Variants in SLC22A23 observed in about 807,000 individuals in gnomAD.
SLC22A23 encodes solute carrier family 22 member 23.
In SLC22A23, 26 loss-of-function variants were observed where a neutral mutation model predicts 61.0. The observed-to-expected ratio is 0.43, with a 90% CI of 0.31 to 0.59. SLC22A23 has a LOEUF of 0.59. Ranked by LOEUF, SLC22A23 falls within the 20% of genes least tolerant of loss-of-function variation. The probability of loss-of-function intolerance (pLI) is 0.11; values close to 1 mark genes in which losing one functional copy is unlikely to be tolerated. For synonymous variants in SLC22A23, 430 were observed against 413.9 expected (o/e 1.04, Z -0.47); for missense variants, 796 against 934.7 (o/e 0.85, Z 1.94).
chr6:3,299,230 C>G (rs1164860284), intron 4 of SLC22A23, among the ~76,000 whole-genome samples: 1 of 152,156 alleles, frequency 6.6e-6, no homozygotes, highest in Non-Finnish European at 1.5e-5. Flanking sequence ...TTCAAAGTAA[C>G]CATAGATTTC....
intron 9 of SLC22A23, among the ~76,000 whole-genome samples, chr6:3,281,309 C>CGG (rs928278543): frequency 7.9e-5 from 12 of 152,234 alleles, no homozygotes; most frequent in African/African-American, 2.9e-4. Flanking sequence ...TGGGCCTGAG[C>CGG]GGGTAGCTGG....
chr6:3,368,440 G>A (rs1454246045), intron 3 of SLC22A23, among the ~76,000 whole-genome samples: 1 of 152,140 alleles, frequency 6.6e-6, no homozygotes, highest in African/African-American at 2.4e-5. Flanking sequence ...GCTTTTCCAG[G>A]GGAAGGACCC....
intron 9 of SLC22A23, among the ~76,000 whole-genome samples, chr6:3,275,536 G>C (rs751755421): frequency 6.6e-6 from 1 of 152,158 alleles, no homozygotes; most frequent in Admixed American, 6.5e-5. Flanking sequence ...ACCATAGACT[G>C]GGAGAAAATA....
At chr6:3,283,117 A>G (rs1417678714) in intron 9 of SLC22A23, among the ~76,000 whole-genome samples, 1 of 152,184 alleles carries the variant, frequency 6.6e-6, no homozygotes, top group African/African-American at 2.4e-5. Flanking sequence ...CATGACATCA[A>G]CTTCTCAGGT....
chr6:3,355,782 C>G (rs1765032559), intron 3 of SLC22A23, among the ~76,000 whole-genome samples: 1 of 151,472 alleles, frequency 6.6e-6, no homozygotes, highest in Non-Finnish European at 1.5e-5. Flanking sequence ...CAAGGTCTCA[C>G]TCAGCCCTGC....
Position 3,273,397 on chromosome 6 carries a change from C to A in SLC22A23, c.1719G>T (p.Gly573=). Residue 573 remains glycine, a synonymous_variant, in exon 10 of 10, where the codon GGG becomes GGT. Coordinates refer to ENST00000406686, the MANE Select transcript of SLC22A23 (RefSeq NM_015482.2). ...CGAAGCCCGCGCTGGCCAGCACCAG[C>A]CCCAGCCCGCCACACCTGCAGGGGG... The part of the protein sequence containing the change: ...TPTVIRCGGL[G]LVLASAGFGM... 1 of 1,612,236 alleles carries A rather than the reference C, an allele frequency of 6.2e-7. No homozygotes were observed. Among genetic ancestry groups the A allele is most frequent in the South Asian group, 1.1e-5 (1 of 91,066 alleles).
At chr6:3,364,903 G>T (rs1169098879) in intron 3 of SLC22A23, among the ~76,000 whole-genome samples, 1 of 152,186 alleles carries the variant, frequency 6.6e-6, no homozygotes, top group Admixed American at 6.5e-5. Context: ...TGGAGAGGGG[G>T]TAGGGGGACG....
rs771452427 is a variant in SLC22A23 at position 3,390,922 on chromosome 6, C to T, written c.913+19266G>A. 2.4e-4 allele frequency among the ~76,000 whole-genome samples: 36 copies of T among 152,152 alleles called. No individual in the cohort carries two copies. The highest frequency in any genetic ancestry group is 5.1e-4 in the African/African-American group (21 of 41,422). ...CCATGACACTTACTGTTGATGTTGG[C>T]GCCTCTTTTTCCGTGAATTTGGTCA... On this transcript the variant is annotated intron_variant, in intron 3 of 9. Coordinates refer to ENST00000406686, the MANE Select transcript of SLC22A23 (RefSeq NM_015482.2). The surrounding 1 kb of genome is among the most constrained non-coding windows in gnomAD (Gnocchi z 4.0).
intron 3 of SLC22A23, among the ~76,000 whole-genome samples, chr6:3,366,354 AAAAGAAAG>A (rs1201052295): frequency 3.8e-5 from 3 of 78,406 alleles, no homozygotes; most frequent in Non-Finnish European, 6.1e-5. Flanking sequence ...AAAAAAAAAA[AAAAGAAAG>A]AAAGAAAGAA....
intron 1 of SLC22A23, among the ~76,000 whole-genome samples, chr6:3,448,107 C>T (rs1332440349): frequency 3.3e-5 from 5 of 150,670 alleles, no homozygotes; most frequent in African/African-American, 4.9e-5. Flanking sequence ...TTCACCATGT[C>T]GGTCAGGCTG....
chr6:3,358,596 C>G (rs1316200695), intron 3 of SLC22A23, among the ~76,000 whole-genome samples: 1 of 152,050 alleles, frequency 6.6e-6, no homozygotes, highest in African/African-American at 2.4e-5. Context: ...AGTTGCTCGT[C>G]AACTAGCATC....
intron 3 of SLC22A23, among the ~76,000 whole-genome samples, chr6:3,331,739 A>C (rs1305589028): frequency 3.9e-5 from 6 of 152,254 alleles, no homozygotes; most frequent in Non-Finnish European, 8.8e-5. Flanking sequence ...ATGCTTAAGA[A>C]TTTAAATTAA....
Position 3,429,666 on chromosome 6 carries a change from C to T in SLC22A23, c.655-13811G>A, listed in dbSNP as rs139514983. Among the ~76,000 whole-genome samples the T allele has an allele frequency of 7.9e-5, 12 of 152,260 alleles. No homozygotes were observed. In the East Asian group the frequency reaches 2.1e-3, roughly 27 times the overall value. On this transcript the variant is annotated intron_variant, in intron 1 of 9. Coordinates refer to ENST00000406686, the MANE Select transcript of SLC22A23 (RefSeq NM_015482.2). ...TGAGAGAAACTCAAGTGTTCACTGA[C>T]GGATGAACAAAGAAACAAAACGTGG...
intron 1 of SLC22A23, among the ~76,000 whole-genome samples, chr6:3,434,407 G>A (rs768854742): frequency 7.9e-5 from 12 of 151,954 alleles, no homozygotes; most frequent in Non-Finnish European, 1.5e-4. Context: ...TCAGGAGATC[G>A]AGACCAGCCT....
rs577317288 is a variant in SLC22A23, at chr6:3,271,732, C to G, written c.*1323G>C. 1.3e-5 allele frequency: 2 copies of G among 152,244 alleles called. No homozygotes were observed. Among genetic ancestry groups the G allele is most frequent in the South Asian group, 4.1e-4 (2 of 4,830 alleles). The allele number at this position is 152,244 out of a possible 1,614,324, so 9.4% of individuals were successfully genotyped here. ...TCTCTTAGTCGCCTTGGGTGTCCTA[C>G]AAGTTTCCTCCGAAAATGCCAAGAG... On this transcript the variant is annotated 3_prime_UTR_variant, in exon 10 of 10. Coordinates refer to ENST00000406686, the MANE Select transcript of SLC22A23 (RefSeq NM_015482.2).
rs1765365936 is a variant in SLC22A23 at position 3,360,474 on chromosome 6, G to A, written c.914-36472C>T. The stretch of plus-strand genomic sequence containing the variant: ...CAGAGCTCACTGCATTGCCATTCTT[G>A]GGGGCATTTGTCTCATCTGCCTTAA... On this transcript the variant is annotated intron_variant, in intron 3 of 9. Transcript: ENST00000406686. This position sits in a 1 kb window ranked among gnomAD's most constrained non-coding sequence, Gnocchi z 4.6. 6.6e-6 allele frequency among the ~76,000 whole-genome samples: 1 copy of A among 152,172 alleles called. No homozygotes were observed. The highest frequency in any genetic ancestry group is 2.4e-5 in the African/African-American group (1 of 41,434).
intron 3 of SLC22A23, among the ~76,000 whole-genome samples, chr6:3,389,605 C>T (rs1156358725): frequency 1.3e-5 from 2 of 152,176 alleles, no homozygotes; most frequent in South Asian, 2.1e-4. Flanking sequence ...TCTTACTGCC[C>T]GGCCTCACCA....
chr6:3,389,268 CAAAAAAAAAAAAAA>C lies in SLC22A23; in HGVS notation c.913+20906_913+20919del, dbSNP rs61020784. On this transcript the variant is annotated intron_variant, in intron 3 of 9. Transcript: ENST00000406686. Reference sequence around the variant, plus strand: ...GGGCAACAAGAGCAAAACTCTGTCTCAAAAAAAAAAAAAAAAAAAAAAAAAAAGCAACAACAACA... The same window carrying C: ...GGGCAACAAGAGCAAAACTCTGTCTCAAAAAAAAAAAAAGCAACAACAACA... Among the ~76,000 whole-genome samples the C allele has an allele frequency of 3.0e-3, 98 of 32,606 alleles. 1 individual carries two copies. The East Asian group carries it at 0.078, about 26-fold the overall frequency. The allele number at this position is 32,606 out of a possible 152,430, so 21.4% of individuals were successfully genotyped here.
chr6:3,408,006 A>C (rs1334048650), intron 3 of SLC22A23, among the ~76,000 whole-genome samples: 2 of 152,260 alleles, frequency 1.3e-5, no homozygotes, highest in African/African-American at 4.8e-5. Context: ...CACTGGCCAA[A>C]TTTGGCCCAC....
Sources: allele counts gnomAD v4.1 joint callset (sites outside exome capture counted in the v4.1 genomes callset), GRCh38; gene constraint gnomAD v4.1.1; non-coding constraint Gnocchi (gnomAD v3.1); transcripts MANE v1.5; gene names NCBI Gene and HGNC (gene_info 2026-07-23, HGNC 2026-07-21).